TOP3B: variants seen among roughly 807,000 people sequenced by gnomAD.
TOP3B encodes DNA topoisomerase 3-beta-1.
TOP3B carries 45 observed loss-of-function variants against 93.9 expected under a neutral mutation model. The observed-to-expected ratio is 0.48, with a 90% CI of 0.38 to 0.61. The LOEUF (loss-of-function observed/expected upper bound fraction) is 0.61, where lower values mean the gene tolerates loss of function less well. TOP3B is among the 20% of genes least tolerant of loss of function. TOP3B has a pLI of 0.00. For synonymous variants in TOP3B, 357 were observed against 472.6 expected (o/e 0.76, Z 3.17); for missense variants, 750 against 1,156.1 (o/e 0.65, Z 5.09).
chr22:21,958,713 G>A lies in TOP3B; in HGVS notation c.1906-20C>T, dbSNP rs1429977113. 1 of 1,581,420 alleles carries A rather than the reference G, an allele frequency of 6.3e-7. No homozygotes were observed. The highest frequency in any genetic ancestry group is 8.6e-7 in the Non-Finnish European group (1 of 1,160,308). On this transcript the variant is annotated intron_variant, in intron 16 of 17. Transcript: ENST00000357179. ...CTTGGCCTGCGGCAATGCCAGGCAG[G>A]TGGCGTGAGGGTCACTGGGGCCACC... is the stretch of plus-strand genomic sequence containing the variant.
intron 8 of TOP3B, 56 bp from the exon 9 acceptor site, chr22:21,965,431 G>C: frequency 3.4e-6 from 4 of 1,169,998 alleles, no homozygotes; most frequent in Non-Finnish European, 4.9e-6. Flanking sequence ...ACCATAGAGG[G>C]AATCAAGATG....
In TOP3B at chr22:21,963,983, G is replaced by A. The variant is rs1301979149; in HGVS notation, c.1144C>T (p.His382Tyr). ...AEGINRPRKG[H>Y]DAGDHPPITP... The stretch of plus-strand genomic sequence containing the variant: ...ATGGGGGGATGGTCGCCGGCGTCAT[G>A]GCCTTTCCGCGGGCGGTTGATACCT... The change falls in exon 11 of 18, where the codon CAT becomes TAT. Residue 382 changes from histidine to tyrosine, a missense_variant. Physicochemically the swap from His to Tyr is moderately conservative, Grantham distance 83. Coordinates refer to ENST00000357179, the MANE Select transcript of TOP3B (RefSeq NM_001282112.2). The surrounding 1 kb of genome is among the most constrained non-coding windows in gnomAD (Gnocchi z 4.8). The A allele has an allele frequency of 5.0e-6, 8 of 1,612,652 alleles. No homozygotes were observed. The highest frequency in any genetic ancestry group is 6.8e-6 in the Non-Finnish European group (8 of 1,179,594).
chr22:21,975,132 C>G (rs1206407976), intron 2 of TOP3B: 2 of 153,286 alleles, frequency 1.3e-5, no homozygotes, highest in Non-Finnish European at 2.9e-5. Context: ...TACCAACCAC[C>G]CCAGTGGCCA....
chr22:21,958,759 T>A, intron 16 of TOP3B, 66 bp from the exon 17 acceptor site: 1 of 1,495,756 alleles, frequency 6.7e-7, no homozygotes, highest in Non-Finnish European at 8.9e-7. Flanking sequence ...CCACCCCCAC[T>A]CCTCTCATAA....
rs769586749 is a variant in TOP3B at position 21,962,874 on chromosome 22, G to A, written c.1224C>T (p.Leu408=). ...TGAAGTGTCTGGTGATGTACTCATA[G>A]AGCCGCCACGCGTCACCCCCTGCAA... ...EAELGGDAWR[L]YEYITRHFIA... is the part of the protein sequence containing the mutation. The change falls in exon 12 of 18, where the codon CTC becomes CTT. Residue 408 remains leucine, a synonymous_variant. Coordinates refer to ENST00000357179, the MANE Select transcript of TOP3B (RefSeq NM_001282112.2). 2.5e-6 allele frequency: 4 copies of A among 1,613,624 alleles called. No homozygotes were observed. The highest frequency in any genetic ancestry group is 3.4e-6 in the Non-Finnish European group (4 of 1,179,850).
Position 21,959,705 on chromosome 22 carries a change from A to G in TOP3B, c.1686T>C (p.Ser562=). The stretch of plus-strand genomic sequence containing the variant: ...TCAGGTTCAGCTGCTTCTCCACTGC[A>G]CTGCGGATGGTGGGGAGCACCAGCT... ...DAELVLPTIR[S]AVEKQLNLIA... is the part of the protein sequence containing the mutation. The change falls in exon 15 of 18, where the codon AGT becomes AGC. Residue 562 remains serine, a synonymous_variant. Coordinates refer to ENST00000357179, the MANE Select transcript of TOP3B (RefSeq NM_001282112.2). The G allele has an allele frequency of 1.2e-6, 2 of 1,613,428 alleles. No individual in the cohort carries two copies. Among genetic ancestry groups the G allele is most frequent in the Non-Finnish European group, 1.7e-6 (2 of 1,179,920 alleles).
At chr22:21,962,331 G>A (rs774465951) in intron 13 of TOP3B, 98 bp downstream of exon 13, 1 of 1,601,504 alleles carries the variant, frequency 6.2e-7, no homozygotes, top group South Asian at 1.1e-5. Context: ...GGGGTGCTGG[G>A]CTGGGCACAC....
At position 21,965,345 on chromosome 22, in the gene TOP3B, T is replaced by C. The variant is rs1276892117; in HGVS notation, c.883A>G (p.Lys295Glu). ...GTGTTCAGGGCCAGGGGCCTCTGCT[T>C]GGCCTTTTCTTTCCTGCTTGTGGCC... is the stretch of plus-strand genomic sequence containing the variant. ...VEATSRKEKA[K>E]QRPLALNTVE... Residue 295 changes from lysine (K) to glutamate (E), a missense_variant, in exon 9 of 18, where the codon AAG becomes GAG. Lys to Glu is a moderately conservative substitution (Grantham distance 56). This residue lies in a region of TOP3B where 737 missense variants were observed against 933.7 expected (regional missense o/e 0.79). Coordinates refer to ENST00000357179, the MANE Select transcript of TOP3B (RefSeq NM_001282112.2). The C allele has an allele frequency of 2.5e-6, 4 of 1,607,714 alleles. No homozygotes were observed. In the African/African-American group the frequency reaches 5.4e-5, roughly 22 times the overall value.
At position 21,963,140 on chromosome 22, in the gene TOP3B, C is replaced by G; in HGVS notation, c.1205-247G>C. The stretch of plus-strand genomic sequence containing the variant: ...CTTGAGGTCAGGAGTTTGAGACCAG[C>G]CTGGCCAACATGGTGAAACCCCGTC... On this transcript the variant is annotated intron_variant, in intron 11 of 17. Coordinates refer to ENST00000357179, the MANE Select transcript of TOP3B (RefSeq NM_001282112.2). This position sits in a 1 kb window ranked among gnomAD's most constrained non-coding sequence, Gnocchi z 4.8. 1 of 447,270 alleles carries G rather than the reference C, an allele frequency of 2.2e-6. No individual in the cohort carries two copies. The highest frequency in any genetic ancestry group is 4.1e-6 in the Non-Finnish European group (1 of 244,988). The allele number at this position is 447,270 out of a possible 1,614,324, so 27.7% of individuals were successfully genotyped here. A position where few individuals can be genotyped will look rare whatever the true frequency, so the allele number is the denominator to read the frequency against.
At chr22:21,974,541 C>A in intron 2 of TOP3B, 53 bp from the exon 3 acceptor site, 1 of 1,526,860 alleles carries the variant, frequency 6.5e-7, no homozygotes, top group Non-Finnish European at 8.9e-7. Flanking sequence ...GCTGAAGACC[C>A]TGTGGAGACC....
At chr22:21,965,416 A>T (rs1340314368) in intron 8 of TOP3B, 41 bp from the exon 9 acceptor site, 4 of 1,384,480 alleles carry the variant, frequency 2.9e-6, no homozygotes, top group Non-Finnish European at 4.0e-6. Flanking sequence ...AAGGAGGAAG[A>T]CACCACCATA....
At chr22:21,975,493 C>T (rs952484419) in intron 2 of TOP3B, 147 bp downstream of exon 2, 2 of 877,082 alleles carry the variant, frequency 2.3e-6, no homozygotes, top group Admixed American at 6.4e-5. Context: ...CAAATGCACC[C>T]CACTGTGACA....
At chr22:21,977,532 C>CA (rs562870639) in intron 1 of TOP3B, 13,056 of 77,146 alleles carry the variant, frequency 0.17, 628 homozygotes, top group African/African-American at 0.2. Context: ...CCATCTCAAA[C>CA]AAAAAAAAAA....
At chr22:21,980,169 T>C (rs1229801982) in intron 1 of TOP3B, among the ~76,000 whole-genome samples, 2 of 152,158 alleles carry the variant, frequency 1.3e-5, no homozygotes, top group African/African-American at 4.8e-5. Context: ...TATGTCTGGA[T>C]GGAACGCAAA....
Position 21,971,849 on chromosome 22 carries a change from T to C in TOP3B, c.384+28A>G. 1.2e-6 allele frequency: 2 copies of C among 1,612,600 alleles called. No individual in the cohort carries two copies. Among genetic ancestry groups the C allele is most frequent in the South Asian group, 1.1e-5 (1 of 91,026 alleles). On this transcript the variant is annotated intron_variant, in intron 5 of 17. Coordinates refer to ENST00000357179, the MANE Select transcript of TOP3B (RefSeq NM_001282112.2). The surrounding 1 kb of genome is among the most constrained non-coding windows in gnomAD (Gnocchi z 4.6). The stretch of plus-strand genomic sequence containing the variant: ...GGGCTGGTGTCAGAAAGGCCAAAAG[T>C]GAGGAACAAAGTGAGCCTCACACTC...
rs9610728 is a variant in TOP3B at position 21,964,166 on chromosome 22, C to T, written c.1093G>A (p.Asp365Asn). ...GCCGGCCCGGCTCCACTCACCGTGT[C>T]GGCCCAGTAGGGGTGGTTGGCCTGC... is the stretch of plus-strand genomic sequence containing the variant. ...RQQANHPYWADTVKRLLAEGI... is the reference protein window; with the variant it reads ...RQQANHPYWANTVKRLLAEGI... Residue 365 changes from aspartate (D) to asparagine (N), a missense_variant, in exon 10 of 18, where the codon GAC becomes AAC. This residue lies in a region of TOP3B where 737 missense variants were observed against 933.7 expected (regional missense o/e 0.79). Coordinates refer to ENST00000357179, the MANE Select transcript of TOP3B (RefSeq NM_001282112.2). The T allele has an allele frequency of 0.11, 182,072 of 1,613,816 alleles. 10,779 individuals are homozygous for T. The highest frequency in any genetic ancestry group is 0.12 in the Non-Finnish European group (139,750 of 1,179,932).
At chr22:21,964,615 A>T in intron 9 of TOP3B, 1 of 459,348 alleles carries the variant, frequency 2.2e-6, no homozygotes, top group Non-Finnish European at 4.0e-6. Context: ...GGCCATGGGG[A>T]TGACACATGG....
chr22:21,967,537 C>T (rs751477101), intron 8 of TOP3B, 66 bp downstream of exon 8: 78 of 1,215,344 alleles, frequency 6.4e-5, no homozygotes, highest in Non-Finnish European at 7.6e-5. Flanking sequence ...GTTCCTCCAG[C>T]GGGAGGCATC....
intron 8 of TOP3B, 40 bp from the exon 9 acceptor site, chr22:21,965,415 G>C: frequency 2.9e-6 from 4 of 1,398,742 alleles, no homozygotes; most frequent in East Asian, 2.4e-5. Flanking sequence ...GAAGGAGGAA[G>C]ACACCACCAT....
Sources: gnomAD v4.1 joint callset for allele counts (sites outside exome capture counted in the v4.1 genomes callset) on GRCh38, gnomAD v4.1.1 for gene constraint, gnomAD v4.1.1 regional missense constraint, Gnocchi (gnomAD v3.1) non-coding constraint, MANE v1.5 for transcripts, NCBI Gene and HGNC (gene_info 2026-07-23, HGNC 2026-07-21) for gene names.